The following ANKRD26 variants were observed in gnomAD, a reference collection of about 807,000 sequenced individuals.
The protein encoded by ANKRD26 is ankyrin repeat domain-containing protein 26.
ANKRD26 carries 141 observed loss-of-function variants against 208.7 expected under a neutral mutation model. That is an observed-to-expected ratio of 0.68 (90% CI 0.59 to 0.78). The LOEUF (loss-of-function observed/expected upper bound fraction) is 0.78. Ranked by LOEUF, ANKRD26 falls within the 30% of genes least tolerant of loss-of-function variation. The probability of loss-of-function intolerance (pLI) is 0.00; values close to 1 mark genes in which losing one functional copy is unlikely to be tolerated. For synonymous variants in ANKRD26, 636 were observed against 660.4 expected, an observed-to-expected ratio of 0.96 and a Z score of 0.57; for missense variants, 1,889 against 1,938.7, an observed-to-expected ratio of 0.97 and a Z score of 0.48.
intron 5 of ANKRD26, among the ~76,000 whole-genome samples, chr10:26,992,265 C>A (rs2052500223): frequency 6.6e-6 from 1 of 152,040 alleles, no homozygotes; most frequent in East Asian, 1.9e-4. Context: ...ATTTTCCTCC[C>A]ATTTTTTCTT....
In ANKRD26 at chr10:27,014,574, A is replaced by G. The variant is rs760534554; in HGVS notation, c.4644T>C (p.Asn1548=). The G allele has an allele frequency of 8.1e-6, 13 of 1,602,826 alleles. 2 individuals carry two copies. Among genetic ancestry groups the G allele is most frequent in the Admixed American group, 6.7e-5 (4 of 59,582 alleles). ...GCTTATATTTTTCCAGTTCGGTTTT[A>G]TTAAAGTCTTCTTGAGAAGTTTTTA... ...SKIKTSQEDF[N]KTELEKYKQL... The change falls in exon 31 of 34, where the codon AAT becomes AAC. Residue 1548 remains asparagine, a synonymous_variant. Coordinates refer to ENST00000376087, the MANE Select transcript of ANKRD26 (RefSeq NM_014915.3).
In ANKRD26 at chr10:27,034,912, C is replaced by T; in HGVS notation, c.3538G>A (p.Ala1180Thr). 6.2e-7 allele frequency: 1 copy of T among 1,613,874 alleles called. No homozygotes were observed. The highest frequency in any genetic ancestry group is 8.5e-7 in the Non-Finnish European group (1 of 1,179,906). Residue 1180 changes from alanine (A) to threonine (T), a missense_variant, in exon 24 of 34, where the codon GCT (alanine) becomes ACT (threonine). This residue lies in a region of ANKRD26 where 613 missense variants were observed against 648.2 expected (regional missense o/e 0.95). Coordinates refer to ENST00000376087, the MANE Select transcript of ANKRD26 (RefSeq NM_014915.3). ...QFHAIVQKLQAESEKQSLLLE... is the reference protein window; with the variant it reads ...QFHAIVQKLQTESEKQSLLLE... ...AGAAGACTTTGCTTTTCACTCTCAG[C>T]TTGAAGTTTTTGCACAATAGCATGA...
the ANKRD26 span, among the ~76,000 whole-genome samples, chr10:26,962,323 C>A: frequency 3.3e-5 from 5 of 152,140 alleles, no homozygotes; most frequent in East Asian, 9.6e-4. Flanking sequence ...GCCTGTAATT[C>A]CAGCACGTTG....
intron 3 of ANKRD26, among the ~76,000 whole-genome samples, chr10:26,985,019 C>T (rs2052362831): frequency 6.6e-6 from 1 of 152,138 alleles, no homozygotes; most frequent in Non-Finnish European, 1.5e-5. Flanking sequence ...AGAGTGGAAT[C>T]ATTTTTTCAC....
chr10:27,004,592 A>G lies in ANKRD26; in HGVS notation c.*998T>C, dbSNP rs1011444184. The G allele has an allele frequency of 3.3e-5, 5 of 152,334 alleles. No homozygotes were observed. The East Asian group carries it at 9.6e-4, about 29-fold the overall frequency. 9.4% of individuals were successfully genotyped at this position (152,334 alleles called of 1,614,324 possible). A position where few individuals can be genotyped will look rare whatever the true frequency, so the allele number is the denominator to read the frequency against. ...AAATCAAAACTGTAGGGTCACAGGT[A>G]AGATGCAATGAGAAGATCACTGGGT... On this transcript the variant is annotated 3_prime_UTR_variant, in exon 34 of 34. Coordinates refer to ENST00000376087, the MANE Select transcript of ANKRD26 (RefSeq NM_014915.3).
At chr10:27,096,289 C>T (rs1589384490) in intron 1 of ANKRD26, among the ~76,000 whole-genome samples, 1 of 150,774 alleles carries the variant, frequency 6.6e-6, no homozygotes, top group East Asian at 1.9e-4. Context: ...AGCAGATTAG[C>T]TACATTATGT....
the ANKRD26 span, among the ~76,000 whole-genome samples, chr10:26,957,084 C>CA: frequency 6.6e-6 from 1 of 152,140 alleles, no homozygotes; most frequent in Non-Finnish European, 1.5e-5. Context: ...GAGATTTTGG[C>CA]AAAATGAAGC....
intron 3 of ANKRD26, among the ~76,000 whole-genome samples, chr10:27,093,110 T>G (rs2056353686): frequency 1.3e-5 from 2 of 152,130 alleles, no homozygotes. Context: ...AGATTTGCCT[T>G]TAACAAATTG....
At chr10:26,993,221 G>A (rs2052521154) in intron 5 of ANKRD26, among the ~76,000 whole-genome samples, 1 of 152,118 alleles carries the variant, frequency 6.6e-6, no homozygotes. Flanking sequence ...CTTAATCTAG[G>A]GAACATCATC....
intron 1 of ANKRD26, among the ~76,000 whole-genome samples, chr10:27,095,821 T>C (rs553963964): frequency 5.0e-4 from 76 of 152,304 alleles, no homozygotes; most frequent in Non-Finnish European, 1.0e-3. Flanking sequence ...TAGACTATGT[T>C]TTCACCTGCA....
At chr10:27,024,886 G>A (rs1199155783) in intron 27 of ANKRD26, among the ~76,000 whole-genome samples, 1 of 152,164 alleles carries the variant, frequency 6.6e-6, no homozygotes, top group African/African-American at 2.4e-5. Flanking sequence ...ACTGTCATCA[G>A]TAGTTCAAGA....
At chr10:27,012,810 T>C (rs570760382) in intron 32 of ANKRD26, 72 bp downstream of exon 32, 3 of 1,472,448 alleles carry the variant, frequency 2.0e-6, no homozygotes, top group African/African-American at 1.4e-5. Flanking sequence ...AAACGCTGTC[T>C]CAAAAAAACA....
rs1014545412 is a variant in ANKRD26, at chr10:27,099,560, G to A, written c.242+525C>T. The stretch of plus-strand genomic sequence containing the variant: ...CTTCCAAGTAGCTGAGACTATTAGA[G>A]TTGGGGGGGGGGGTCTCGCTATAAT... On this transcript the variant is annotated intron_variant, in intron 1 of 33. Coordinates refer to ENST00000376087, the MANE Select transcript of ANKRD26 (RefSeq NM_014915.3). Among the ~76,000 whole-genome samples the A allele has an allele frequency of 9.5e-4, 82 of 85,992 alleles. 1 individual carries two copies. The highest frequency in any genetic ancestry group is 1.7e-3 in the Non-Finnish European group (68 of 40,610). The allele number at this position is 85,992 out of a possible 152,430, so 56.4% of individuals were successfully genotyped here.
intron 4 of ANKRD26, among the ~76,000 whole-genome samples, chr10:27,092,119 T>A (rs777042135): frequency 1.3e-5 from 2 of 152,200 alleles, no homozygotes; most frequent in Non-Finnish European, 2.9e-5. Context: ...CAGTCAATAT[T>A]ATAAGAGAAG....
At position 27,005,569 on chromosome 10, in the gene ANKRD26, C is replaced by T. The variant is rs764487415; in HGVS notation, c.*21G>A. The T allele has an allele frequency of 1.9e-6, 3 of 1,599,890 alleles. No homozygotes were observed. In the South Asian group the frequency reaches 3.3e-5, roughly 18 times the overall value. On this transcript the variant is annotated 3_prime_UTR_variant, in exon 34 of 34. Transcript: ENST00000376087. ...AGAAACAAAATGTCACATAAACAGCCCAGTAATAAAATCTTATCTTTCAGA... is the reference window on the plus strand; with the variant it reads ...AGAAACAAAATGTCACATAAACAGCTCAGTAATAAAATCTTATCTTTCAGA...
At chr10:27,039,665 T>C (rs2054164462) in intron 21 of ANKRD26, among the ~76,000 whole-genome samples, 1 of 152,124 alleles carries the variant, frequency 6.6e-6, no homozygotes, top group Non-Finnish European at 1.5e-5. Flanking sequence ...TATAAAAAGG[T>C]ATTCCTTCCA....
intron 6 of ANKRD26, 92 bp from the exon 7 acceptor site, chr10:27,079,253 C>T (rs2055815469): frequency 9.4e-7 from 1 of 1,060,228 alleles, no homozygotes; most frequent in Admixed American, 1.9e-5. Flanking sequence ...GATGCCCCCT[C>T]CAAAAAAACA....
intron 29 of ANKRD26, among the ~76,000 whole-genome samples, chr10:27,018,653 G>C (rs902185813): frequency 6.6e-6 from 1 of 152,126 alleles, no homozygotes; most frequent in Middle Eastern, 3.4e-3. Context: ...TGGTGTTAAG[G>C]CCACAGAATA....
chr10:27,008,935 G>A lies in ANKRD26; in HGVS notation c.4954-1973C>T, dbSNP rs546725810. Among the ~76,000 whole-genome samples the A allele has an allele frequency of 3.3e-5, 5 of 152,218 alleles. No homozygotes were observed. In the East Asian group the frequency reaches 7.7e-4, roughly 24 times the overall value. ...GCTCACTGTAACCTCTGCCTCCTGG[G>A]TTCAAGCAATTCTCCTGCCTCAGCC... On this transcript the variant is annotated intron_variant, in intron 32 of 33. Transcript: ENST00000376087.
Sources: allele counts gnomAD v4.1 joint callset (sites outside exome capture counted in the v4.1 genomes callset), GRCh38; gene constraint gnomAD v4.1.1; regional missense constraint gnomAD v4.1.1; transcripts MANE v1.5; gene names NCBI Gene and HGNC (gene_info 2026-07-23, HGNC 2026-07-21).